VPS13B: variants seen among roughly 807,000 people sequenced by gnomAD.
The protein encoded by VPS13B is intermembrane lipid transfer protein VPS13B.
In VPS13B, 285 loss-of-function variants were observed where a neutral mutation model predicts 426.4. The ratio of observed to expected loss-of-function variants is 0.67; its 90% confidence interval spans 0.61 to 0.74. The LOEUF (loss-of-function observed/expected upper bound fraction) is 0.74. Ranked by LOEUF, VPS13B falls within the 30% of genes least tolerant of loss-of-function variation. The pLI is 0.00. For synonymous variants in VPS13B, 1,676 were observed against 1,676.4 expected (o/e 1.00, Z 0.01); for missense variants, 4,537 against 4,782.6 (o/e 0.95, Z 1.51).
intron 39 of VPS13B, among the ~76,000 whole-genome samples, chr8:99,756,546 A>G (rs1286245378): frequency 6.6e-6 from 1 of 152,234 alleles, no homozygotes; most frequent in Non-Finnish European, 1.5e-5. Flanking sequence ...CCACACTTAG[A>G]CACAAACTGT....
In VPS13B at chr8:99,170,095, A is replaced by G. The variant is rs2132663369; in HGVS notation, c.2265A>G (p.Leu755=). ...TGGATTGCAGTGGATCTTACTGCTT[A>G]CCTGTACCAGTTATTCCCTCTTTCA... The part of the protein sequence containing the change: ...TSLDCSGSYC[L]PVPVIPSFST... The change falls in exon 16 of 62, where the codon TTA becomes TTG. Residue 755 remains leucine, a synonymous_variant. Coordinates refer to ENST00000357162, the MANE Select transcript of VPS13B (RefSeq NM_152564.5). 6.2e-7 allele frequency: 1 copy of G among 1,612,984 alleles called. No homozygotes were observed. The highest frequency in any genetic ancestry group is 1.1e-5 in the South Asian group (1 of 91,062).
At chr8:99,040,993 A>G (rs1024825987) in intron 3 of VPS13B, among the ~76,000 whole-genome samples, 7 of 152,184 alleles carry the variant, frequency 4.6e-5, no homozygotes, top group East Asian at 1.9e-4. Flanking sequence ...TAAAATATTT[A>G]TATAATCTCA....
intron 25 of VPS13B, among the ~76,000 whole-genome samples, chr8:99,490,193 T>A (rs1042063665): frequency 4.6e-5 from 7 of 152,198 alleles, no homozygotes; most frequent in African/African-American, 1.7e-4. Context: ...GTTTATGTGA[T>A]GGAATATGTT....
intron 30 of VPS13B, among the ~76,000 whole-genome samples, chr8:99,538,611 G>A (rs1395289486): frequency 6.6e-6 from 1 of 152,004 alleles, no homozygotes; most frequent in Non-Finnish European, 1.5e-5. Context: ...TTTGGTATTT[G>A]CCTTCTGTCT....
At chr8:99,743,970 C>CA (rs1279090152) in intron 39 of VPS13B, among the ~76,000 whole-genome samples, 1 of 152,136 alleles carries the variant, frequency 6.6e-6, no homozygotes, top group Non-Finnish European at 1.5e-5. Flanking sequence ...CCAAAATTGA[C>CA]AAATGGGATC....
At chr8:99,673,166 C>T (rs558154964) in intron 35 of VPS13B, among the ~76,000 whole-genome samples, 1 of 152,096 alleles carries the variant, frequency 6.6e-6, no homozygotes. Flanking sequence ...AAATATTTCC[C>T]TCTCTTCAGT....
chr8:99,018,917 A>G (rs1841751007), intron 2 of VPS13B, among the ~76,000 whole-genome samples: 1 of 152,192 alleles, frequency 6.6e-6, no homozygotes, highest in Middle Eastern at 3.2e-3. Context: ...CATTCCTGGA[A>G]TAAACCTGAT....
intron 14 of VPS13B, among the ~76,000 whole-genome samples, chr8:99,152,940 G>A (rs1811150865): frequency 1.3e-5 from 2 of 152,210 alleles, no homozygotes; most frequent in South Asian, 4.1e-4. Flanking sequence ...GCTTTGGGAG[G>A]TAGAAGTGGA....
chr8:99,720,273 A>G lies in VPS13B; in HGVS notation c.6658-72A>G, dbSNP rs535375347. 13 of 1,218,844 alleles carry G rather than the reference A, an allele frequency of 1.1e-5. No individual in the cohort carries two copies. In the African/African-American group the frequency reaches 2.0e-4, roughly 18 times the overall value. 75.5% of individuals were successfully genotyped at this position (1,218,844 alleles called of 1,614,324 possible). On this transcript the variant is annotated intron_variant, in intron 37 of 61. Coordinates refer to ENST00000357162, the MANE Select transcript of VPS13B (RefSeq NM_152564.5). ...ATTACAGTCCTACATTAATTCAAATATGATTATACCTAATTAGTCTCAAGA... is the reference window on the plus strand; with the variant it reads ...ATTACAGTCCTACATTAATTCAAATGTGATTATACCTAATTAGTCTCAAGA...
intron 35 of VPS13B, among the ~76,000 whole-genome samples, chr8:99,672,436 A>AG (rs1308221774): frequency 1.3e-5 from 2 of 152,180 alleles, no homozygotes; most frequent in Non-Finnish European, 2.9e-5. Flanking sequence ...GTTAGTGTAT[A>AG]GAAATGCTAT....
chr8:99,251,327 T>C (rs1306298939), intron 17 of VPS13B, among the ~76,000 whole-genome samples: 2 of 152,184 alleles, frequency 1.3e-5, no homozygotes, highest in African/African-American at 4.8e-5. Flanking sequence ...GAAGTTCCTC[T>C]CTATTCCTAG....
At chr8:99,017,599 TCTC>T in intron 2 of VPS13B, among the ~76,000 whole-genome samples, 1 of 151,902 alleles carries the variant, frequency 6.6e-6, no homozygotes, top group Admixed American at 6.6e-5. Flanking sequence ...GTGGAGCAAT[TCTC>T]CTGCTGCAGC....
chr8:99,840,994 G>A (rs1394990711), intron 54 of VPS13B, among the ~76,000 whole-genome samples: 1 of 152,218 alleles, frequency 6.6e-6, no homozygotes, highest in Non-Finnish European at 1.5e-5. Flanking sequence ...CTGAATGTCT[G>A]CTAGGTACCC....
At chr8:99,575,246 A>G (rs1448839680) in intron 31 of VPS13B, among the ~76,000 whole-genome samples, 1 of 152,200 alleles carries the variant, frequency 6.6e-6, no homozygotes, top group Non-Finnish European at 1.5e-5. Flanking sequence ...TATGACCCTA[A>G]TGAGGTCAGC....
chr8:99,095,997 G>A (rs1219231744), intron 3 of VPS13B, among the ~76,000 whole-genome samples: 3 of 152,038 alleles, frequency 2.0e-5, no homozygotes, highest in Non-Finnish European at 2.9e-5. Flanking sequence ...TTGTTTAAAG[G>A]CTTTCATTAA....
chr8:99,394,807 A>T (rs1814640723), intron 21 of VPS13B, among the ~76,000 whole-genome samples: 3 of 152,204 alleles, frequency 2.0e-5, no homozygotes, highest in Admixed American at 2.0e-4. Context: ...ATACAGTTAA[A>T]ATAATAGAAG....
intron 8 of VPS13B, among the ~76,000 whole-genome samples, chr8:99,129,427 G>A (rs918280559): frequency 3.3e-5 from 5 of 151,638 alleles, no homozygotes; most frequent in African/African-American, 1.2e-4. Flanking sequence ...AATTAGCAGG[G>A]CATGGTGGCG....
chr8:99,545,100 C>T (rs937046337), intron 30 of VPS13B, among the ~76,000 whole-genome samples: 1 of 152,008 alleles, frequency 6.6e-6, no homozygotes, highest in Non-Finnish European at 1.5e-5. Flanking sequence ...CTGTTCTGTA[C>T]CTTGCTTTTT....
In VPS13B at chr8:99,083,397, T is replaced by C. The variant is rs534247223; in HGVS notation, c.292-12915T>C. 5.0e-4 allele frequency among the ~76,000 whole-genome samples: 76 copies of C among 152,330 alleles called. 1 individual carries two copies. Among genetic ancestry groups the C allele is most frequent in the South Asian group, 1.9e-3 (9 of 4,828 alleles). ...TTTCTAGATATACAATCATGTCATC[T>C]GCAAACAGGGACAATTTGACTTCCC... is the stretch of plus-strand genomic sequence containing the variant. On this transcript the variant is annotated intron_variant, in intron 3 of 61. Coordinates refer to ENST00000357162, the MANE Select transcript of VPS13B (RefSeq NM_152564.5).
Sources: allele counts gnomAD v4.1 joint callset (sites outside exome capture counted in the v4.1 genomes callset), GRCh38; gene constraint gnomAD v4.1.1; transcripts MANE v1.5; gene names NCBI Gene and HGNC (gene_info 2026-07-23, HGNC 2026-07-21).